CNIH3: variants seen among roughly 807,000 people sequenced by gnomAD.
The protein encoded by CNIH3 is protein cornichon homolog 3.
A neutral mutation model predicts 24.1 loss-of-function variants in CNIH3; 14 were observed. That is an observed-to-expected ratio of 0.58 (90% CI 0.38 to 0.91). CNIH3 has a LOEUF of 0.91. CNIH3 is among the 40% of genes least tolerant of loss of function. The probability of loss-of-function intolerance (pLI) is 0.00; values close to 1 mark genes in which losing one functional copy is unlikely to be tolerated. For synonymous variants in CNIH3, 68 were observed against 73.8 expected (o/e 0.92, Z 0.40); for missense variants, 178 against 196.8 (o/e 0.90, Z 0.57).
intron 5 of CNIH3, 138 bp from the exon 6 acceptor site, chr1:224,739,191 T>C (rs1042213303): frequency 9.0e-6 from 13 of 1,440,514 alleles, no homozygotes; most frequent in Admixed American, 5.3e-5. Context: ...CGAGATGCTG[T>C]AGTGACAGGA....
At position 224,703,971 on chromosome 1, in the gene CNIH3, A is replaced by G. The variant is rs1687642075; in HGVS notation, c.198+19128A>G. On this transcript the variant is annotated intron_variant, in intron 3 of 5. Transcript: ENST00000272133. This position sits in a 1 kb window ranked among gnomAD's most constrained non-coding sequence, Gnocchi z 4.2. ...ACTCAAAGGGAGCAACGGTGCACCAATCATGCGATGAATGAGGCCAGAGTT... is the reference window on the plus strand; with the variant it reads ...ACTCAAAGGGAGCAACGGTGCACCAGTCATGCGATGAATGAGGCCAGAGTT... Among the ~76,000 whole-genome samples, 1 of 151,270 alleles carries G rather than the reference A, an allele frequency of 6.6e-6. No homozygotes were observed. The highest frequency in any genetic ancestry group is 1.5e-5 in the Non-Finnish European group (1 of 68,020).
chr1:224,452,335 G>A (rs1165739888), intron 1 of CNIH3, among the ~76,000 whole-genome samples: 2 of 151,010 alleles, frequency 1.3e-5, no homozygotes, highest in Non-Finnish European at 3.0e-5. Context: ...TTTTTAGTAG[G>A]GACAGGGTTT....
chr1:224,646,004 T>C (rs1684587952), intron 1 of CNIH3, among the ~76,000 whole-genome samples: 1 of 152,226 alleles, frequency 6.6e-6, no homozygotes, highest in Non-Finnish European at 1.5e-5. Flanking sequence ...AATCCAGTTG[T>C]ATTTAATTAT....
At chr1:224,697,254 C>T (rs1363471997) in intron 3 of CNIH3, among the ~76,000 whole-genome samples, 1 of 152,200 alleles carries the variant, frequency 6.6e-6, no homozygotes, top group African/African-American at 2.4e-5. Context: ...GCAACCTTGG[C>T]TGTACGCCGA....
chr1:224,682,541 C>T (rs189545010), intron 2 of CNIH3, among the ~76,000 whole-genome samples: 2 of 152,320 alleles, frequency 1.3e-5, no homozygotes, highest in East Asian at 3.9e-4. Flanking sequence ...CACTTGAAAA[C>T]TTGCTGTATT....
intron 1 of CNIH3, among the ~76,000 whole-genome samples, chr1:224,465,447 A>G (rs1676115749): frequency 6.6e-6 from 1 of 152,186 alleles, no homozygotes; most frequent in Non-Finnish European, 1.5e-5. Flanking sequence ...TCTACCTTCA[A>G]GTTATATTGT....
At chr1:224,636,522 A>G (rs1331992341) in intron 1 of CNIH3, among the ~76,000 whole-genome samples, 4 of 152,254 alleles carry the variant, frequency 2.6e-5, no homozygotes, top group Non-Finnish European at 5.9e-5. Context: ...AGCAACATCA[A>G]TAAAGAACAA....
At chr1:224,479,113 C>T (rs966887973) in intron 1 of CNIH3, among the ~76,000 whole-genome samples, 7 of 150,452 alleles carry the variant, frequency 4.7e-5, no homozygotes, top group Non-Finnish European at 1.0e-4. Context: ...ATTCCCAAAC[C>T]AATCATGCCT....
chr1:224,577,789 C>A (rs921586116), intron 4 of CNIH3, among the ~76,000 whole-genome samples: 2 of 152,238 alleles, frequency 1.3e-5, no homozygotes, highest in Admixed American at 6.5e-5. Flanking sequence ...CAGCATAATT[C>A]ACAATTGTAA....
intron 5 of CNIH3, among the ~76,000 whole-genome samples, chr1:224,584,461 C>T (rs1171314520): frequency 6.6e-6 from 1 of 152,224 alleles, no homozygotes; most frequent in Non-Finnish European, 1.5e-5. Flanking sequence ...CCAGTTCTAT[C>T]ACAAACCCTT....
intron 1 of CNIH3, among the ~76,000 whole-genome samples, chr1:224,508,290 A>G (rs111678361): frequency 0.056 from 8,469 of 152,284 alleles, 745 homozygotes; most frequent in African/African-American, 0.19. Context: ...AACTCACAAC[A>G]TGGCACAGGC....
At chr1:224,563,044 C>T (rs565915178) in intron 3 of CNIH3, among the ~76,000 whole-genome samples, 2 of 152,270 alleles carry the variant, frequency 1.3e-5, no homozygotes, top group East Asian at 1.9e-4. Flanking sequence ...AAATTCCACT[C>T]CTAGGTATGG....
At chr1:224,524,744 T>C (rs1678777647) in intron 2 of CNIH3, among the ~76,000 whole-genome samples, 1 of 152,160 alleles carries the variant, frequency 6.6e-6, no homozygotes, top group Non-Finnish European at 1.5e-5. Flanking sequence ...CAAGTATCAA[T>C]TTCTTCCTCT....
At chr1:224,440,137 G>A (rs1219984837) in intron 1 of CNIH3, among the ~76,000 whole-genome samples, 3 of 152,212 alleles carry the variant, frequency 2.0e-5, no homozygotes, top group Admixed American at 6.5e-5. Context: ...TGACCAGGAT[G>A]GTCTCGATCT....
At chr1:224,449,810 CT>C (rs1273822666) in intron 1 of CNIH3, among the ~76,000 whole-genome samples, 1 of 152,120 alleles carries the variant, frequency 6.6e-6, no homozygotes, top group East Asian at 1.9e-4. Flanking sequence ...CAATACCTGT[CT>C]TTGGAGGCCC....
intron 3 of CNIH3, chr1:224,717,517 T>C (rs918915666): frequency 2.0e-5 from 3 of 152,408 alleles, no homozygotes; most frequent in Non-Finnish European, 4.4e-5. Flanking sequence ...CAGCAAGGGC[T>C]AGTGTTGGCT....
chr1:224,629,951 A>G (rs187991878), intron 1 of CNIH3, among the ~76,000 whole-genome samples: 35 of 152,286 alleles, frequency 2.3e-4, no homozygotes, highest in Non-Finnish European at 2.2e-4. Context: ...AAGGTTTTGC[A>G]TTAAGGTCTA....
intron 1 of CNIH3, among the ~76,000 whole-genome samples, chr1:224,452,578 G>A (rs189915269): frequency 1.2e-3 from 174 of 149,848 alleles, no homozygotes; most frequent in East Asian, 7.5e-3. Flanking sequence ...TCAGGAGATT[G>A]AGACCATCCT....
chr1:224,444,894 C>T (rs970030501), intron 1 of CNIH3, among the ~76,000 whole-genome samples: 11 of 151,168 alleles, frequency 7.3e-5, no homozygotes, highest in Non-Finnish European at 1.3e-4. Context: ...CCGCCCACCT[C>T]GGCCTCCCAA....
Sources: allele counts gnomAD v4.1 joint callset (sites outside exome capture counted in the v4.1 genomes callset), GRCh38; gene constraint gnomAD v4.1.1; non-coding constraint Gnocchi (gnomAD v3.1); transcripts MANE v1.5; gene names NCBI Gene and HGNC (gene_info 2026-07-23, HGNC 2026-07-21).